The following FGF10 variants were observed in gnomAD, a reference collection of about 807,000 sequenced individuals.
FGF10 encodes fibroblast growth factor 10.
Under a neutral mutation model 19.8 loss-of-function variants are expected in FGF10, and 2 were observed. That is an observed-to-expected ratio of 0.10 (90% CI 0.04 to 0.32). The LOEUF (loss-of-function observed/expected upper bound fraction) is 0.32, where lower values mean the gene tolerates loss of function less well. FGF10 is among the 10% of genes least tolerant of loss of function. The probability of loss-of-function intolerance (pLI) is 1.00; values close to 1 mark genes in which losing one functional copy is unlikely to be tolerated. For synonymous variants in FGF10, 112 were observed against 94.0 expected (o/e 1.19, Z -1.10); for missense variants, 191 against 246.3 (o/e 0.78, Z 1.50).
intron 1 of FGF10, among the ~76,000 whole-genome samples, chr5:44,362,158 C>T (rs1222175974): frequency 6.6e-6 from 1 of 151,658 alleles, no homozygotes; most frequent in African/African-American, 2.4e-5. Context: ...TCTTTGTGAA[C>T]TTGGACTAGT....
At chr5:44,350,525 C>A (rs1174713679) in intron 1 of FGF10, among the ~76,000 whole-genome samples, 1 of 150,322 alleles carries the variant, frequency 6.7e-6, no homozygotes, top group African/African-American at 2.4e-5. Context: ...ATACTATTAG[C>A]AATAAAAAAG....
intron 1 of FGF10, among the ~76,000 whole-genome samples, chr5:44,387,922 C>A (rs1742141336): frequency 6.6e-6 from 1 of 152,202 alleles, no homozygotes; most frequent in African/African-American, 2.4e-5. Flanking sequence ...CTTGAGGAGC[C>A]TGTCCCAAAA....
chr5:44,333,002 A>G (rs1740772027), intron 1 of FGF10, among the ~76,000 whole-genome samples: 1 of 152,072 alleles, frequency 6.6e-6, no homozygotes, highest in African/African-American at 2.4e-5. Context: ...GAAAGTTTCT[A>G]TATCTAGGCT....
intron 1 of FGF10, among the ~76,000 whole-genome samples, chr5:44,315,669 A>G (rs1336498697): frequency 6.6e-6 from 1 of 152,194 alleles, no homozygotes; most frequent in African/African-American, 2.4e-5. Flanking sequence ...GCTGAAACAT[A>G]TCATAGTTAG....
At chr5:44,362,706 A>G (rs931645304) in intron 1 of FGF10, among the ~76,000 whole-genome samples, 4 of 151,638 alleles carry the variant, frequency 2.6e-5, no homozygotes, top group African/African-American at 9.7e-5. Flanking sequence ...TCCTCTACTC[A>G]AAATGTCCCT....
intron 1 of FGF10, among the ~76,000 whole-genome samples, chr5:44,358,634 C>A (rs1481853646): frequency 1.6e-4 from 24 of 151,368 alleles, no homozygotes; most frequent in Non-Finnish European, 5.9e-5. Flanking sequence ...ACATAATTAA[C>A]CCCAGTAGCC....
chr5:44,353,340 T>A (rs71633124), intron 1 of FGF10, among the ~76,000 whole-genome samples: 1 of 151,560 alleles, frequency 6.6e-6, no homozygotes, highest in African/African-American at 2.4e-5. Flanking sequence ...AACTATATGG[T>A]TTGTTCTGCG....
chr5:44,307,323 G>T (rs1405874619), intron 2 of FGF10, among the ~76,000 whole-genome samples: 1 of 152,086 alleles, frequency 6.6e-6, no homozygotes, highest in Non-Finnish European at 1.5e-5. Context: ...CTACAGCAAG[G>T]ACTCAAAAGC....
intron 1 of FGF10, among the ~76,000 whole-genome samples, chr5:44,380,335 T>TA (rs1741957126): frequency 6.6e-6 from 1 of 152,232 alleles, no homozygotes. Context: ...CTGCATATGA[T>TA]AGACTTAAAT....
chr5:44,338,455 C>T (rs948661371), intron 1 of FGF10, among the ~76,000 whole-genome samples: 2 of 152,016 alleles, frequency 1.3e-5, no homozygotes, highest in African/African-American at 2.4e-5. Flanking sequence ...CTGCAGTGAC[C>T]GGAGGTCTTC....
intron 1 of FGF10, among the ~76,000 whole-genome samples, chr5:44,366,866 A>G (rs571100801): frequency 7.2e-5 from 11 of 152,192 alleles, no homozygotes; most frequent in African/African-American, 2.6e-4. Context: ...TTTAATAAAG[A>G]TAATATTTCA....
intron 1 of FGF10, among the ~76,000 whole-genome samples, chr5:44,313,897 T>C (rs1740270002): frequency 6.6e-6 from 1 of 152,130 alleles, no homozygotes; most frequent in East Asian, 1.9e-4. Flanking sequence ...AAATACGTAA[T>C]GGCTTTTCTA....
chr5:44,334,461 A>G (rs902120425), intron 1 of FGF10, among the ~76,000 whole-genome samples: 2 of 152,194 alleles, frequency 1.3e-5, no homozygotes, highest in African/African-American at 4.8e-5. Context: ...TCCCAACTAC[A>G]TAGGGGAATA....
intron 1 of FGF10, among the ~76,000 whole-genome samples, chr5:44,334,830 A>G (rs1450481641): frequency 6.6e-6 from 1 of 152,160 alleles, no homozygotes; most frequent in Non-Finnish European, 1.5e-5. Flanking sequence ...AGATACTTGC[A>G]TAAACAAGCC....
chr5:44,316,169 G>A (rs143302864), intron 1 of FGF10, among the ~76,000 whole-genome samples: 1 of 152,176 alleles, frequency 6.6e-6, no homozygotes, highest in Non-Finnish European at 1.5e-5. Flanking sequence ...CTCCATATGA[G>A]AATCTAACTA....
intron 1 of FGF10, among the ~76,000 whole-genome samples, chr5:44,363,943 T>A (rs1741547395): frequency 6.6e-6 from 1 of 151,776 alleles, no homozygotes; most frequent in African/African-American, 2.4e-5. Context: ...CACCTGGTAA[T>A]AAACAAGACT....
chr5:44,344,703 T>C (rs897002719), intron 1 of FGF10, among the ~76,000 whole-genome samples: 12 of 151,638 alleles, frequency 7.9e-5, no homozygotes, highest in Non-Finnish European at 1.6e-4. Flanking sequence ...ATGATGATTT[T>C]CTGTGGAACA....
intron 1 of FGF10, among the ~76,000 whole-genome samples, chr5:44,387,167 CA>C (rs1297275505): frequency 2.0e-5 from 3 of 152,112 alleles, no homozygotes; most frequent in Non-Finnish European, 4.4e-5. Context: ...ACATAACAAT[CA>C]ATAGTGGATG....
In FGF10 at chr5:44,388,646, A is replaced by G; in HGVS notation, c.37T>C (p.Phe13Leu). 1.2e-6 allele frequency: 2 copies of G among 1,614,054 alleles called. No homozygotes were observed. The highest frequency in any genetic ancestry group is 1.7e-6 in the Non-Finnish European group (2 of 1,180,016). Residue 13 changes from phenylalanine to leucine, a missense_variant, in exon 1 of 3, where the codon TTT (phenylalanine) becomes CTT (leucine). Around this residue, in one of 2 missense-constraint regions of FGF10, gnomAD observed 92 missense variants for 84.6 expected, o/e 1.09. Coordinates refer to ENST00000264664, the MANE Select transcript of FGF10 (RefSeq NM_004465.2). ...KWILTHCASA[F>L]PHLPGCCCCC... is the part of the protein sequence containing the mutation. ...CAGCAGCAGCCGGGCAGGTGGGGAA[A>G]GGCTGAGGCACAATGTGTCAGTATC...
Sources: gnomAD v4.1 joint callset for allele counts (sites outside exome capture counted in the v4.1 genomes callset) on GRCh38, gnomAD v4.1.1 for gene constraint, gnomAD v4.1.1 regional missense constraint, MANE v1.5 for transcripts, NCBI Gene and HGNC (gene_info 2026-07-23, HGNC 2026-07-21) for gene names.